Variants in CYP4F11 observed in about 807,000 individuals in gnomAD.
CYP4F11 encodes cytochrome P450 4F11.
Under a neutral mutation model 62.2 loss-of-function variants are expected in CYP4F11, and 79 were observed. The ratio of observed to expected loss-of-function variants is 1.27; its 90% CI spans 1.06 to 1.53. The LOEUF is 1.53. Ranked by LOEUF, CYP4F11 falls within the 40% of genes most tolerant of loss-of-function variation. The pLI is 0.00. For missense variants in CYP4F11, 777 were observed against 680.5 expected (o/e 1.14, Z -1.58); for synonymous variants, 290 against 263.7 (o/e 1.10, Z -0.97).
chr19:15,915,435 T>G (rs1249595392), intron 8 of CYP4F11, among the ~76,000 whole-genome samples: 1 of 152,214 alleles, frequency 6.6e-6, no homozygotes, highest in African/African-American at 2.4e-5. Context: ...TGCTTAATCT[T>G]TCTTCTTTTT....
intron 8 of CYP4F11, 116 bp downstream of exon 8, chr19:15,921,921 A>G (rs1182213776): frequency 7.6e-7 from 1 of 1,320,078 alleles, no homozygotes; most frequent in East Asian, 2.5e-5. Context: ...TGAGATTTGC[A>G]CCGATTCCCA....
chr19:15,929,852 A>G (rs2089697958), intron 1 of CYP4F11, among the ~76,000 whole-genome samples: 1 of 152,164 alleles, frequency 6.6e-6, no homozygotes, highest in African/African-American at 2.4e-5. Flanking sequence ...AGATACAACA[A>G]AGAGGCAGAG....
At position 15,931,567 on chromosome 19, in the gene CYP4F11, G is replaced by GA. The variant is rs2089720754; in HGVS notation, c.199-1967dup. Among the ~76,000 whole-genome samples the GA allele has an allele frequency of 1.6e-5, 2 of 128,044 alleles. 1 individual carries two copies. The allele number at this position is 128,044 out of a possible 152,430, so 84.0% of individuals were successfully genotyped here. A position where few individuals can be genotyped will look rare whatever the true frequency, so the allele number is the denominator to read the frequency against. Reference sequence around the variant, plus strand: ...GGGGAGAGGAATGAGTGAGCGAGGAGAGGAATGAGTGAGCGAGGAGAGGAA... The same window carrying GA: ...GGGGAGAGGAATGAGTGAGCGAGGAGAAGGAATGAGTGAGCGAGGAGAGGAA... On this transcript the variant is annotated intron_variant, in intron 1 of 11. Coordinates refer to ENST00000402119, the MANE Select transcript of CYP4F11 (RefSeq NM_021187.4).
chr19:15,924,904 C>A, intron 4 of CYP4F11, 22 bp from the exon 5 acceptor site: 5 of 1,600,256 alleles, frequency 3.1e-6, no homozygotes, highest in Non-Finnish European at 4.3e-6. Flanking sequence ...AAAAACAGAG[C>A]CAAAGCTGGG....
At chr19:15,919,126 T>G (rs1423207216) in intron 8 of CYP4F11, among the ~76,000 whole-genome samples, 1 of 148,602 alleles carries the variant, frequency 6.7e-6, no homozygotes. Context: ...AATAACATTA[T>G]AATTTAATAA....
chr19:15,918,194 C>G (rs2089597080), intron 8 of CYP4F11, among the ~76,000 whole-genome samples: 1 of 152,088 alleles, frequency 6.6e-6, no homozygotes, highest in Admixed American at 6.6e-5. Context: ...GAACAGAAAA[C>G]CAAACACCAC....
chr19:15,925,889 G>A (rs2089665422), intron 4 of CYP4F11, among the ~76,000 whole-genome samples: 2 of 151,714 alleles, frequency 1.3e-5, no homozygotes, highest in African/African-American at 4.8e-5. Flanking sequence ...TCCCGGCCGG[G>A]TGCAGTGGCT....
intron 8 of CYP4F11, among the ~76,000 whole-genome samples, chr19:15,917,165 T>G (rs1026788614): frequency 6.6e-6 from 1 of 152,034 alleles, no homozygotes; most frequent in African/African-American, 2.4e-5. Context: ...GTGAAGTAAC[T>G]CAAGAATAAA....
At chr19:15,920,772 A>C (rs2089619706) in intron 8 of CYP4F11, among the ~76,000 whole-genome samples, 1 of 152,012 alleles carries the variant, frequency 6.6e-6, no homozygotes, top group South Asian at 2.1e-4. Flanking sequence ...CTTGAGTTAA[A>C]ATTGAAGTTC....
chr19:15,934,318 G>A lies in CYP4F11; in HGVS notation c.91C>T (p.Leu31=). The change falls in exon 1 of 12, where the codon CTG becomes TTG. Residue 31 remains leucine (L), a synonymous_variant. Coordinates refer to ENST00000402119, the MANE Select transcript of CYP4F11 (RefSeq NM_021187.4). The part of the protein sequence containing the change: ...LLLLVGGSWL[L]ARVLAWTYTF... ...TAGGTCCAGGCCAGGACGCGGGCCA[G>A]GAGCCAGGAGCCTCCAACCAGCAGC... 1 of 1,613,206 alleles carries A rather than the reference G, an allele frequency of 6.2e-7. No homozygotes were observed. Among genetic ancestry groups the A allele is most frequent in the Non-Finnish European group, 8.5e-7 (1 of 1,179,594 alleles).
At chr19:15,920,013 G>A (rs1457043344) in intron 8 of CYP4F11, among the ~76,000 whole-genome samples, 2 of 152,092 alleles carry the variant, frequency 1.3e-5, no homozygotes, top group African/African-American at 4.8e-5. Context: ...TATGCATGGT[G>A]ACTACAGTTA....
intron 3 of CYP4F11, 39 bp from the exon 4 acceptor site, chr19:15,927,378 C>A (rs1568484757): frequency 6.2e-7 from 1 of 1,613,864 alleles, no homozygotes. Flanking sequence ...AGGGCAGCAC[C>A]CTCCCTTATC....
chr19:15,913,623 C>T lies in CYP4F11; in HGVS notation c.*109G>A, dbSNP rs2089555016. 1.4e-6 allele frequency: 2 copies of T among 1,402,592 alleles called. No individual in the cohort carries two copies. The highest frequency in any genetic ancestry group is 1.4e-5 in the African/African-American group (1 of 70,960). 86.9% of individuals were successfully genotyped at this position (1,402,592 alleles called of 1,614,324 possible). A position where few individuals can be genotyped will look rare whatever the true frequency, so the allele number is the denominator to read the frequency against. ...ACCCACTCACCTCCCTTTCTTAGATCCCACCAGTCCCCAGGAGCCCCATGC... is the reference window on the plus strand; with the variant it reads ...ACCCACTCACCTCCCTTTCTTAGATTCCACCAGTCCCCAGGAGCCCCATGC... On this transcript the variant is annotated 3_prime_UTR_variant, in exon 12 of 12. Transcript: ENST00000402119.
Position 15,934,308 on chromosome 19 carries a change from A to C in CYP4F11, c.101T>G (p.Val34Gly), listed in dbSNP as rs540062909. The change falls in exon 1 of 12, where the codon GTC becomes GGC. Residue 34 changes from valine (V) to glycine (G), a missense_variant. Val to Gly is a moderately radical substitution (Grantham distance 109). Transcript: ENST00000402119. ...LVGGSWLLAR[V>G]LAWTYTFYDN... ...ATAGAAGGTGTAGGTCCAGGCCAGG[A>C]CGCGGGCCAGGAGCCAGGAGCCTCC... 5.0e-6 allele frequency: 8 copies of C among 1,613,538 alleles called. No homozygotes were observed. In the South Asian group the frequency reaches 8.8e-5, roughly 18 times the overall value.
At chr19:15,918,874 T>A (rs1259368937) in intron 8 of CYP4F11, among the ~76,000 whole-genome samples, 1 of 149,474 alleles carries the variant, frequency 6.7e-6, no homozygotes, top group Non-Finnish European at 1.5e-5. Context: ...ACTGGAAAGA[T>A]ACACAAGTGC....
chr19:15,921,086 CTCTCTCTCTCTCTCTCT>C (rs2089625092), intron 8 of CYP4F11, among the ~76,000 whole-genome samples: 2 of 146,384 alleles, frequency 1.4e-5, no homozygotes, highest in Admixed American at 6.9e-5. Flanking sequence ...CTCTCTCTCT[CTCTCTCTCTCTCTCTCT>C]CCCTCTCTCT....
intron 1 of CYP4F11, among the ~76,000 whole-genome samples, chr19:15,931,532 A>ATGAGTGAGTGAGGAGAGGAG (rs1568257211): frequency 2.9e-5 from 3 of 103,986 alleles, no homozygotes; most frequent in Non-Finnish European, 4.4e-5. Context: ...CATCAGAGGA[A>ATGAGTGAGTGAGGAGAGGAG]TGAGTGAGCG....
intron 8 of CYP4F11, among the ~76,000 whole-genome samples, chr19:15,919,062 A>T (rs1464933121): frequency 1.3e-5 from 2 of 150,378 alleles, no homozygotes; most frequent in Non-Finnish European, 3.0e-5. Context: ...TTCTATGTAT[A>T]TGGAAATATA....
intron 1 of CYP4F11, among the ~76,000 whole-genome samples, chr19:15,931,589 G>GGAATGAGTGAGTGAGGAGAA (rs2089721819): frequency 1.8e-5 from 2 of 111,384 alleles, no homozygotes; most frequent in African/African-American, 3.8e-5. Flanking sequence ...AGCGAGGAGA[G>GGAATGAGTGAGTGAGGAGAA]GAATGAGTGA....
Sources: allele counts gnomAD v4.1 joint callset (sites outside exome capture counted in the v4.1 genomes callset), GRCh38; gene constraint gnomAD v4.1.1; transcripts MANE v1.5; gene names NCBI Gene and HGNC (gene_info 2026-07-23, HGNC 2026-07-21).